The following NRXN3 variants were observed in gnomAD, a reference collection of about 807,000 sequenced individuals.
NRXN3 encodes the protein neurexin III.
In NRXN3, 32 loss-of-function variants were observed where a neutral mutation model predicts 137.6. That is an observed-to-expected ratio of 0.23 (90% CI 0.18 to 0.31). The LOEUF (loss-of-function observed/expected upper bound fraction) is 0.31. NRXN3 is among the 10% of genes least tolerant of loss of function. The pLI is 1.00. For missense variants in NRXN3, 1,574 were observed against 2,062.5 expected, an observed-to-expected ratio of 0.76 and a Z score of 4.59; for synonymous variants, 798 against 784.5, an observed-to-expected ratio of 1.02 and a Z score of -0.29.
At chr14:79,214,709 T>C (rs949814043) in intron 15 of NRXN3, among the ~76,000 whole-genome samples, 3 of 152,190 alleles carry the variant, frequency 2.0e-5, no homozygotes, top group African/African-American at 7.2e-5. Flanking sequence ...ATATAGGTCT[T>C]GGTTTCCATG....
In NRXN3 at chr14:78,223,920, C is replaced by T. The variant is rs1022287489; in HGVS notation, c.-703-18471C>T. Among the ~76,000 whole-genome samples the T allele has an allele frequency of 5.3e-5, 8 of 152,106 alleles. No homozygotes were observed. The East Asian group carries it at 5.8e-4, about 11-fold the overall frequency. On this transcript the variant is annotated intron_variant, in intron 1 of 20. Coordinates refer to ENST00000335750, the MANE Select transcript of NRXN3 (RefSeq NM_001330195.2). ...TCAGGTATTGGGACACTCTGGCTGC[C>T]CAGGCGTATTGAGAATGGCCATGGA...
chr14:79,648,513 C>T lies in NRXN3; in HGVS notation c.3445-15265C>T, dbSNP rs1458419443. Reference sequence around the variant, plus strand: ...AAACTTATGTGAGCACTCGATCCAGCATAAAGTCTCTGAATTTGTAAGTTC... The same window carrying T: ...AAACTTATGTGAGCACTCGATCCAGTATAAAGTCTCTGAATTTGTAAGTTC... On this transcript the variant is annotated intron_variant, in intron 16 of 20. Coordinates refer to ENST00000335750, the MANE Select transcript of NRXN3 (RefSeq NM_001330195.2). Among the ~76,000 whole-genome samples, 6 of 135,900 alleles carry T rather than the reference C, an allele frequency of 4.4e-5. 2 individuals carry two copies. The highest frequency in any genetic ancestry group is 1.0e-4 in the Non-Finnish European group (6 of 58,454). 89.2% of individuals were successfully genotyped at this position (135,900 alleles called of 152,430 possible). A position where few individuals can be genotyped will look rare whatever the true frequency, so the allele number is the denominator to read the frequency against.
At chr14:79,565,349 G>A (rs961597920) in intron 16 of NRXN3, among the ~76,000 whole-genome samples, 20 of 138,102 alleles carry the variant, frequency 1.4e-4, no homozygotes, top group African/African-American at 2.3e-4. Context: ...ATATGTGTGC[G>A]TATATGTATA....
At chr14:79,224,718 A>G (rs2070493079) in intron 15 of NRXN3, among the ~76,000 whole-genome samples, 1 of 152,268 alleles carries the variant, frequency 6.6e-6, no homozygotes, top group Non-Finnish European at 1.5e-5. Context: ...ATAAAAAGGG[A>G]AGAGACACAG....
chr14:79,673,858 C>G (rs1176477867), intron 17 of NRXN3, among the ~76,000 whole-genome samples: 1 of 151,968 alleles, frequency 6.6e-6, no homozygotes, highest in African/African-American at 2.4e-5. Flanking sequence ...TGCAGTAGCC[C>G]CAAGGGGTAG....
chr14:78,341,302 T>G (rs1424901176), intron 4 of NRXN3, among the ~76,000 whole-genome samples: 1 of 152,138 alleles, frequency 6.6e-6, no homozygotes, highest in Non-Finnish European at 1.5e-5. Context: ...GATTCTGGTT[T>G]AGAAGTTTGG....
intron 15 of NRXN3, among the ~76,000 whole-genome samples, chr14:79,094,653 A>G (rs2049899839): frequency 1.3e-5 from 2 of 152,174 alleles, no homozygotes; most frequent in Admixed American, 6.5e-5. Context: ...TTGAAGGAAT[A>G]TGGGACTGTT....
chr14:79,653,960 C>T (rs1337293203), intron 16 of NRXN3, among the ~76,000 whole-genome samples: 2 of 152,188 alleles, frequency 1.3e-5, no homozygotes, highest in Non-Finnish European at 2.9e-5. Context: ...AAGTACCCCA[C>T]TCTGGGTTTT....
At chr14:78,850,813 T>C (rs1163056006) in intron 10 of NRXN3, among the ~76,000 whole-genome samples, 2 of 152,076 alleles carry the variant, frequency 1.3e-5, no homozygotes, top group African/African-American at 4.8e-5. Context: ...AAGAAAGCCA[T>C]GCATTAAAAT....
chr14:79,450,864 T>C (rs1483747526), intron 15 of NRXN3, among the ~76,000 whole-genome samples: 33 of 146,656 alleles, frequency 2.3e-4, no homozygotes, highest in African/African-American at 2.5e-5. Flanking sequence ...AGACTCTGTC[T>C]CAAAAAAAAA....
At chr14:78,802,900 C>G (rs1298540226) in intron 8 of NRXN3, among the ~76,000 whole-genome samples, 1 of 152,090 alleles carries the variant, frequency 6.6e-6, no homozygotes, top group Non-Finnish European at 1.5e-5. Flanking sequence ...GAGCGAAGAT[C>G]ACACTGCTGC....
At chr14:79,649,600 G>T (rs2098466683) in intron 16 of NRXN3, among the ~76,000 whole-genome samples, 2 of 152,134 alleles carry the variant, frequency 1.3e-5, no homozygotes, top group African/African-American at 4.8e-5. Context: ...GTTCAGCTCT[G>T]AGAGTCTTCC....
At chr14:79,643,603 T>A (rs1256599177) in intron 16 of NRXN3, among the ~76,000 whole-genome samples, 4 of 135,660 alleles carry the variant, frequency 2.9e-5, no homozygotes, top group African/African-American at 9.8e-5. Context: ...TACCTTTTTT[T>A]ATCCAGTAAA....
In NRXN3 at chr14:79,776,282, G is replaced by T. The variant is rs78079734; in HGVS notation, c.4015-28830G>T. On this transcript the variant is annotated intron_variant, in intron 19 of 20. Transcript: ENST00000335750. ...CTATGAAATCCTTGACTGTAGAATT[G>T]TTGGTTTGTACCTACATTACTGCAG... is the stretch of plus-strand genomic sequence containing the variant. 2.3e-3 allele frequency among the ~76,000 whole-genome samples: 352 copies of T among 152,232 alleles called. 11 individuals are homozygous for T. In the East Asian group the frequency reaches 0.044, roughly 19 times the overall value.
At chr14:78,703,307 C>T (rs576413254) in intron 6 of NRXN3, among the ~76,000 whole-genome samples, 9 of 152,042 alleles carry the variant, frequency 5.9e-5, no homozygotes, top group Middle Eastern at 3.2e-3. Flanking sequence ...CACAGCAGGC[C>T]CAAGTCATCA....
At chr14:79,119,534 A>C (rs1219809540) in intron 15 of NRXN3, among the ~76,000 whole-genome samples, 1 of 152,228 alleles carries the variant, frequency 6.6e-6, no homozygotes, top group Non-Finnish European at 1.5e-5. Context: ...ACTATTAAAA[A>C]GATATATTCT....
chr14:79,111,822 A>T (rs2053585484), intron 15 of NRXN3, among the ~76,000 whole-genome samples: 1 of 152,196 alleles, frequency 6.6e-6, no homozygotes, highest in African/African-American at 2.4e-5. Flanking sequence ...GACTAAAAAA[A>T]ATTGGGAAAA....
At chr14:78,932,915 T>C (rs1298900643) in intron 10 of NRXN3, among the ~76,000 whole-genome samples, 1 of 152,196 alleles carries the variant, frequency 6.6e-6, no homozygotes, top group Non-Finnish European at 1.5e-5. Context: ...CTTGGAGTTG[T>C]TGAATTATAA....
At chr14:79,372,069 AT>A (rs1299302079) in intron 15 of NRXN3, among the ~76,000 whole-genome samples, 3 of 152,152 alleles carry the variant, frequency 2.0e-5, no homozygotes, top group African/African-American at 7.2e-5. Flanking sequence ...TATACAAAGC[AT>A]TTATATCCAC....
Sources: allele counts gnomAD v4.1 joint callset (sites outside exome capture counted in the v4.1 genomes callset), GRCh38; gene constraint gnomAD v4.1.1; transcripts MANE v1.5; gene names NCBI Gene and HGNC (gene_info 2026-07-23, HGNC 2026-07-21).